The following CNTN4 variants were observed in gnomAD, a reference collection of about 807,000 sequenced individuals.
The protein encoded by CNTN4 is contactin-4.
Under a neutral mutation model 122.5 loss-of-function variants are expected in CNTN4, and 77 were observed. That is an observed-to-expected ratio of 0.63 (90% CI 0.52 to 0.76). The LOEUF is 0.76. Among genes scored for constraint, CNTN4 ranks in the 30% least tolerant of loss-of-function variants. CNTN4 has a pLI of 0.00. For missense variants in CNTN4, 1,256 were observed against 1,259.1 expected (o/e 1.00, Z 0.04); for synonymous variants, 512 against 447.0 (o/e 1.15, Z -1.83).
intron 3 of CNTN4, among the ~76,000 whole-genome samples, chr3:2,397,561 T>C (rs1359986485): frequency 6.6e-6 from 1 of 152,110 alleles, no homozygotes; most frequent in African/African-American, 2.4e-5. Flanking sequence ...TCTGATTGTA[T>C]CAAATACAGA....
intron 3 of CNTN4, among the ~76,000 whole-genome samples, chr3:2,347,738 A>T (rs2044456516): frequency 6.6e-6 from 1 of 152,124 alleles, no homozygotes; most frequent in African/African-American, 2.4e-5. Context: ...ATGCACCTGG[A>T]AACAAAGGAG....
chr3:2,211,072 G>T (rs1559345393), intron 2 of CNTN4, among the ~76,000 whole-genome samples: 1 of 152,186 alleles, frequency 6.6e-6, no homozygotes, highest in Non-Finnish European at 1.5e-5. Flanking sequence ...AGTTCTGCAA[G>T]CTGTACAGGT....
At chr3:2,781,206 G>A (rs1215091008) in intron 6 of CNTN4, among the ~76,000 whole-genome samples, 1 of 152,136 alleles carries the variant, frequency 6.6e-6, no homozygotes, top group African/African-American at 2.4e-5. Flanking sequence ...CAAACTCACT[G>A]AATTCAATAA....
chr3:2,884,386 C>T (rs1006822575), intron 9 of CNTN4, among the ~76,000 whole-genome samples: 11 of 152,042 alleles, frequency 7.2e-5, no homozygotes, highest in African/African-American at 2.4e-4. Flanking sequence ...GTTTTCAAGT[C>T]GTGACAAATA....
chr3:3,034,807 T>C lies in CNTN4; in HGVS notation c.1942+17T>C. The stretch of plus-strand genomic sequence containing the variant: ...TCAGTACAGGTACCATATTGGATGC[T>C]TGGCTCAGAGACATTGGGAACTCAG... On this transcript the variant is annotated intron_variant, in intron 17 of 24. Coordinates refer to ENST00000418658, the MANE Select transcript of CNTN4 (RefSeq NM_175607.3). The C allele has an allele frequency of 4.3e-6, 7 of 1,613,990 alleles. No individual in the cohort carries two copies. The highest frequency in any genetic ancestry group is 5.1e-6 in the Non-Finnish European group (6 of 1,179,884).
intron 3 of CNTN4, among the ~76,000 whole-genome samples, chr3:2,444,147 C>T (rs2048534834): frequency 6.6e-6 from 1 of 150,934 alleles, no homozygotes; most frequent in Admixed American, 6.6e-5. Flanking sequence ...TATACCAAGT[C>T]CCGTTACTTC....
intron 4 of CNTN4, among the ~76,000 whole-genome samples, chr3:2,706,816 C>T (rs939291833): frequency 6.6e-6 from 1 of 152,088 alleles, no homozygotes; most frequent in Non-Finnish European, 1.5e-5. Flanking sequence ...ATTTAAATTT[C>T]ATCTTTCCTG....
At chr3:2,786,781 T>C (rs1197078013) in intron 6 of CNTN4, among the ~76,000 whole-genome samples, 2 of 152,194 alleles carry the variant, frequency 1.3e-5, no homozygotes, top group Non-Finnish European at 2.9e-5. Flanking sequence ...TTTAAAATTA[T>C]TAGATCCATT....
intron 14 of CNTN4, chr3:2,999,048 A>C (rs543627604): frequency 6.6e-6 from 1 of 152,318 alleles, no homozygotes; most frequent in African/African-American, 2.4e-5. Context: ...TTTCTTCTAG[A>C]ATTACATCCA....
At chr3:2,609,211 T>C (rs2619555) in intron 4 of CNTN4, among the ~76,000 whole-genome samples, 33,419 of 152,162 alleles carry the variant, frequency 0.22, 4,051 homozygotes, top group Admixed American at 0.3. Context: ...CAGTGTGGCC[T>C]TTTGGAAAGT....
At position 2,391,805 on chromosome 3, in the gene CNTN4, C is replaced by T. The variant is rs548872340; in HGVS notation, c.-89+52572C>T. On this transcript the variant is annotated intron_variant, in intron 3 of 24. Transcript: ENST00000418658. ...ACTGCCCTTGATCACAAAAACTTAC[C>T]GTAGCTAGCTTTTTGATTTTGACCC... Among the ~76,000 whole-genome samples the T allele has an allele frequency of 4.6e-5, 7 of 152,142 alleles. No homozygotes were observed. The South Asian group carries it at 6.2e-4, about 14-fold the overall frequency.
intron 10 of CNTN4, among the ~76,000 whole-genome samples, chr3:2,897,157 C>T (rs2094124345): frequency 1.3e-5 from 2 of 152,024 alleles, no homozygotes; most frequent in African/African-American, 4.8e-5. Context: ...GGCTGGAATA[C>T]ACAAACGCTG....
chr3:2,816,854 T>A (rs2092746382), intron 6 of CNTN4, among the ~76,000 whole-genome samples: 1 of 147,334 alleles, frequency 6.8e-6, no homozygotes, highest in African/African-American at 2.5e-5. Flanking sequence ...AACTTACCCA[T>A]GTAACCAAAT....
chr3:2,646,408 G>A (rs1367751276), intron 4 of CNTN4, among the ~76,000 whole-genome samples: 1 of 152,078 alleles, frequency 6.6e-6, no homozygotes, highest in African/African-American at 2.4e-5. Flanking sequence ...CTATGCCTTA[G>A]TTTCTTCGTG....
chr3:2,634,040 A>G (rs933553158), intron 4 of CNTN4, among the ~76,000 whole-genome samples: 1 of 152,200 alleles, frequency 6.6e-6, no homozygotes, highest in Non-Finnish European at 1.5e-5. Flanking sequence ...AAACAATTTA[A>G]ATTGTTTCTG....
chr3:2,367,234 C>G (rs1193277064), intron 3 of CNTN4, among the ~76,000 whole-genome samples: 2 of 152,046 alleles, frequency 1.3e-5, no homozygotes, highest in Non-Finnish European at 2.9e-5. Flanking sequence ...TAAAAGTGAA[C>G]TATTTATTAT....
At chr3:2,884,240 C>T (rs2093944623) in intron 9 of CNTN4, among the ~76,000 whole-genome samples, 1 of 152,138 alleles carries the variant, frequency 6.6e-6, no homozygotes, top group Non-Finnish European at 1.5e-5. Flanking sequence ...AGCCAGGCAA[C>T]ACTAACTCCA....
intron 4 of CNTN4, among the ~76,000 whole-genome samples, chr3:2,583,389 G>A (rs1213665699): frequency 6.6e-6 from 1 of 152,210 alleles, no homozygotes; most frequent in Non-Finnish European, 1.5e-5. Flanking sequence ...ACATGGCTAA[G>A]TGCTTTCAGA....
At chr3:2,803,558 C>CTTTTT (rs34822164) in intron 6 of CNTN4, among the ~76,000 whole-genome samples, 2 of 140,708 alleles carry the variant, frequency 1.4e-5, no homozygotes, top group African/African-American at 2.6e-5. Flanking sequence ...GTGGTAAATT[C>CTTTTT]TTTTTTTTTT....
Sources: gnomAD v4.1 joint callset for allele counts (sites outside exome capture counted in the v4.1 genomes callset) on GRCh38, gnomAD v4.1.1 for gene constraint, MANE v1.5 for transcripts, NCBI Gene and HGNC (gene_info 2026-07-23, HGNC 2026-07-21) for gene names.